Variants in TENM2 observed in about 807,000 individuals in gnomAD.
TENM2 encodes the protein teneurin transmembrane protein 2.
In TENM2, 52 loss-of-function variants were observed where a neutral mutation model predicts 245.2. That is an observed-to-expected ratio of 0.21 (90% CI 0.17 to 0.27). TENM2 has a LOEUF of 0.27. Ranked by LOEUF, TENM2 falls within the 10% of genes least tolerant of loss-of-function variation. TENM2 has a pLI of 1.00. For missense variants in TENM2, 3,046 were observed against 3,666.8 expected (o/e 0.83, Z 4.37); for synonymous variants, 1,363 against 1,438.9 (o/e 0.95, Z 1.19).
chr5:167,262,093 G>A, the TENM2 span, among the ~76,000 whole-genome samples: 1 of 152,222 alleles, frequency 6.6e-6, no homozygotes, highest in Admixed American at 6.5e-5. Flanking sequence ...ATTTAAATTG[G>A]GGTCCCTTTG....
chr5:168,100,709 G>A (rs1793739175), intron 9 of TENM2, among the ~76,000 whole-genome samples: 1 of 152,102 alleles, frequency 6.6e-6, no homozygotes, highest in African/African-American at 2.4e-5. Flanking sequence ...ACAGGGAGGG[G>A]AACATCACAC....
chr5:167,164,059 CT>C, the TENM2 span, among the ~76,000 whole-genome samples: 309 of 151,484 alleles, frequency 2.0e-3, 2 homozygotes, highest in African/African-American at 6.9e-3. Flanking sequence ...AAAGTAAACC[CT>C]TTTTTTTTCC....
exon 27 of TENM2, chr5:168,246,905 C>T (rs753507301): frequency 1.1e-5 from 18 of 1,613,886 alleles, no homozygotes; most frequent in East Asian, 2.2e-5. Flanking sequence ...ATTTACAACC[C>T]GCCTGAAAGC....
intron 2 of TENM2, among the ~76,000 whole-genome samples, chr5:167,414,108 G>A (rs1052921783): frequency 6.6e-6 from 1 of 152,070 alleles, no homozygotes; most frequent in African/African-American, 2.4e-5. Flanking sequence ...CAAAATAACT[G>A]TACAGAAGCA....
chr5:167,547,651 A>G (rs1772654027), intron 2 of TENM2, among the ~76,000 whole-genome samples: 1 of 152,178 alleles, frequency 6.6e-6, no homozygotes, highest in Admixed American at 6.5e-5. Flanking sequence ...CTTTCTCTTT[A>G]CAGATGTAGA....
chr5:167,726,853 G>A (rs1760044129), intron 2 of TENM2, among the ~76,000 whole-genome samples: 2 of 152,048 alleles, frequency 1.3e-5, no homozygotes, highest in Non-Finnish European at 2.9e-5. Flanking sequence ...GGCCACAGAT[G>A]CCTGCAACAT....
the TENM2 span, among the ~76,000 whole-genome samples, chr5:167,219,094 G>C: frequency 1.3e-5 from 2 of 152,076 alleles, no homozygotes; most frequent in Admixed American, 6.5e-5. Flanking sequence ...AGTTAGGTGG[G>C]GCTCAACAAA....
chr5:167,874,304 C>T (rs1337035558), intron 2 of TENM2, among the ~76,000 whole-genome samples: 4 of 152,160 alleles, frequency 2.6e-5, no homozygotes, highest in African/African-American at 7.2e-5. Flanking sequence ...TTTGTATCCT[C>T]AATGTCTAGC....
intron 2 of TENM2, among the ~76,000 whole-genome samples, chr5:167,559,106 G>C (rs1773429875): frequency 6.6e-6 from 1 of 152,146 alleles, no homozygotes; most frequent in Non-Finnish European, 1.5e-5. Context: ...AATGCAGTTT[G>C]AATGGTTGTG....
At chr5:167,648,107 C>T (rs1265930381) in intron 2 of TENM2, among the ~76,000 whole-genome samples, 1 of 152,146 alleles carries the variant, frequency 6.6e-6, no homozygotes, top group African/African-American at 2.4e-5. Context: ...GTGAGCCGAA[C>T]TAATCAAGTG....
intron 2 of TENM2, among the ~76,000 whole-genome samples, chr5:167,858,162 C>T (rs939229980): frequency 6.6e-6 from 1 of 152,208 alleles, no homozygotes; most frequent in African/African-American, 2.4e-5. Context: ...CAACCTGAGC[C>T]CCATCTTCTA....
chr5:167,349,362 A>T (rs1581804476), intron 1 of TENM2, among the ~76,000 whole-genome samples: 1 of 152,310 alleles, frequency 6.6e-6, no homozygotes, highest in East Asian at 1.9e-4. Flanking sequence ...GAGACCAGGA[A>T]ATATACCCAA....
At position 168,105,322 on chromosome 5, in the gene TENM2, T is replaced by G. The variant is rs1054541332; in HGVS notation, c.1813+7195T>G. Among the ~76,000 whole-genome samples, 6 of 151,940 alleles carry G rather than the reference T, an allele frequency of 3.9e-5. No homozygotes were observed. In the East Asian group the frequency reaches 9.7e-4, roughly 25 times the overall value. On this transcript the variant is annotated intron_variant, in intron 9 of 28. Coordinates refer to ENST00000518659, the Ensembl canonical transcript of TENM2. ...CAGGCAGGTGGGAGCTGAGAGAAAG[T>G]GAGAGCTGGTGGCCAAGTGCCTTTA...
chr5:167,759,679 G>C (rs1330807762), intron 2 of TENM2, among the ~76,000 whole-genome samples: 1 of 152,148 alleles, frequency 6.6e-6, no homozygotes, highest in African/African-American at 2.4e-5. Flanking sequence ...GGAGGGCTGT[G>C]AATCAGCCCC....
At chr5:167,484,898 T>A (rs1452569489) in intron 2 of TENM2, among the ~76,000 whole-genome samples, 1 of 152,212 alleles carries the variant, frequency 6.6e-6, no homozygotes, top group Non-Finnish European at 1.5e-5. Flanking sequence ...GACCAACTTG[T>A]CTTTAAATAA....
intron 7 of TENM2, among the ~76,000 whole-genome samples, chr5:168,078,904 G>A (rs1344796600): frequency 1.3e-5 from 2 of 152,100 alleles, no homozygotes; most frequent in East Asian, 3.9e-4. Context: ...GATTGTCTTG[G>A]CAATGTGGGC....
intron 2 of TENM2, among the ~76,000 whole-genome samples, chr5:167,546,296 T>G (rs188555425): frequency 1.3e-5 from 2 of 152,336 alleles, no homozygotes; most frequent in East Asian, 3.9e-4. Context: ...TGTTTGTTTT[T>G]AATGATCATA....
rs559835905 is a variant in TENM2, at chr5:167,866,528, C to G, written c.503-9458C>G. On this transcript the variant is annotated intron_variant, in intron 2 of 28. Transcript: ENST00000518659. ...AAAAAAAAAAAAAAGTATTTGCCAA[C>G]AAAGAGAGAGCACCTTCCATGCACG... 2.5e-4 allele frequency among the ~76,000 whole-genome samples: 37 copies of G among 147,498 alleles called. 1 individual carries two copies. Among genetic ancestry groups the G allele is most frequent in the African/African-American group, 9.0e-4 (36 of 39,920 alleles).
At chr5:167,806,641 C>A (rs1378790563) in intron 2 of TENM2, among the ~76,000 whole-genome samples, 1 of 152,074 alleles carries the variant, frequency 6.6e-6, no homozygotes, top group Non-Finnish European at 1.5e-5. Context: ...TCCACAATAT[C>A]ATGCTTACTT....
Sources: allele counts gnomAD v4.1 joint callset (sites outside exome capture counted in the v4.1 genomes callset), GRCh38; gene constraint gnomAD v4.1.1; transcripts MANE v1.5; gene names NCBI Gene and HGNC (gene_info 2026-07-23, HGNC 2026-07-21).